Variants in SRRM2 observed in about 807,000 individuals in gnomAD.
SRRM2 encodes the protein serine/arginine repetitive matrix protein 2.
In SRRM2, 30 loss-of-function variants were observed where a neutral mutation model predicts 213.8. The observed-to-expected ratio is 0.14, with a 90% CI of 0.10 to 0.19. SRRM2 has a LOEUF of 0.19. Ranked by LOEUF, SRRM2 falls within the 10% of genes least tolerant of loss-of-function variation. SRRM2 has a pLI of 1.00. For missense variants in SRRM2, 4,904 were observed against 3,647.0 expected, an observed-to-expected ratio of 1.34 and a Z score of -8.88; for synonymous variants, 2,025 against 1,377.7, an observed-to-expected ratio of 1.47 and a Z score of -10.40.
chr16:2,761,752 T>C lies in SRRM2; in HGVS notation c.1224T>C (p.Ser408=), dbSNP rs768320002. The part of the protein sequence containing the change: ...SPTRDRSPPK[S]PEKLPQSSSS... ...CTCGGGACCGTTCACCACCTAAGTC[T>C]CCCGAGAAACTTCCCCAGTCTTCTT... The change falls in exon 11 of 15, where the codon TCT becomes TCC. Residue 408 remains serine, a synonymous_variant. Transcript: ENST00000301740. 3.1e-6 allele frequency: 5 copies of C among 1,612,320 alleles called. No homozygotes were observed. The highest frequency in any genetic ancestry group is 4.2e-6 in the Non-Finnish European group (5 of 1,179,216).
chr16:2,756,799 GTCT>G (rs2068157736), intron 2 of SRRM2, among the ~76,000 whole-genome samples, 193 bp downstream of exon 2: 3 of 152,112 alleles, frequency 2.0e-5, no homozygotes, highest in Admixed American at 6.5e-5. Context: ...AAGGCTGTGT[GTCT>G]GGGGCATAGA....
chr16:2,767,205 C>T lies in SRRM2; in HGVS notation c.6677C>T (p.Ala2226Val). The T allele has an allele frequency of 6.2e-7, 1 of 1,614,218 alleles. No individual in the cohort carries two copies. The highest frequency in any genetic ancestry group is 8.5e-7 in the Non-Finnish European group (1 of 1,180,054). ...ATGAGTCTCAGAACCGCACCAGCAGCCAACCTTGCCAGCAGGATTCCTGCA... is the reference window on the plus strand; with the variant it reads ...ATGAGTCTCAGAACCGCACCAGCAGTCAACCTTGCCAGCAGGATTCCTGCA... ...PLMSLRTAPA[A>V]NLASRIPAAS... The change falls in exon 11 of 15, where the codon GCC becomes GTC. Residue 2226 changes from alanine to valine, a missense_variant. Ala to Val is a moderately conservative substitution (Grantham distance 64). Coordinates refer to ENST00000301740, the MANE Select transcript of SRRM2 (RefSeq NM_016333.4).
In SRRM2 at chr16:2,770,610, C is replaced by T. The variant is rs960561969; in HGVS notation, c.8142C>T (p.Ser2714=). 7 of 1,552,856 alleles carry T rather than the reference C, an allele frequency of 4.5e-6. No individual in the cohort carries two copies. Among genetic ancestry groups the T allele is most frequent in the Non-Finnish European group, 6.1e-6 (7 of 1,147,936 alleles). The change falls in exon 14 of 15, where the codon AGC becomes AGT. Residue 2714 remains serine, a synonymous_variant. Coordinates refer to ENST00000301740, the MANE Select transcript of SRRM2 (RefSeq NM_016333.4). The part of the protein sequence containing the change: ...QPSPRDQQSS[S]SERGSRRGQR... ...TGTCTGTCCTGTGTTGCAGCAGCAG[C>T]AGTGAGCGGGGTTCCCGGAGAGGCC...
chr16:2,766,258 A>T lies in SRRM2; in HGVS notation c.5730A>T (p.Arg1910Ser). 2.5e-6 allele frequency: 4 copies of T among 1,614,144 alleles called. No homozygotes were observed. The highest frequency in any genetic ancestry group is 3.4e-6 in the Non-Finnish European group (4 of 1,180,040). The change falls in exon 11 of 15, where the codon AGA becomes AGT. Residue 1910 changes from arginine (R) to serine (S), a missense_variant. By Grantham distance (110) the Arg-to-Ser change is moderately radical. Transcript: ENST00000301740. This position sits in a 1 kb window ranked among gnomAD's most constrained non-coding sequence, Gnocchi z 7.0. ...SRSRTSVTRR[R>S]SRSRASPVSR... ...CCAGGACTTCAGTGACTCGACGAAGATCCCGGTCAAGAGCATCCCCAGTGA... is the reference window on the plus strand; with the variant it reads ...CCAGGACTTCAGTGACTCGACGAAGTTCCCGGTCAAGAGCATCCCCAGTGA...
At position 2,769,438 on chromosome 16, in the gene SRRM2, G is replaced by A. The variant is rs1317282985; in HGVS notation, c.8021+154G>A. 1.7e-5 allele frequency: 15 copies of A among 867,762 alleles called. No homozygotes were observed. The South Asian group carries it at 2.0e-4, about 12-fold the overall frequency. The allele number at this position is 867,762 out of a possible 1,614,324, so 53.8% of individuals were successfully genotyped here. A position where few individuals can be genotyped will look rare whatever the true frequency, so the allele number is the denominator to read the frequency against. On this transcript the variant is annotated intron_variant, in intron 12 of 14. Transcript: ENST00000301740. Reference sequence around the variant, plus strand: ...CACTTGCTCTCCTCTCCCCATGCTCGTTGCACCCTGTTCTGGCGAAGGGCT... The same window carrying A: ...CACTTGCTCTCCTCTCCCCATGCTCATTGCACCCTGTTCTGGCGAAGGGCT...
chr16:2,770,930 C>A lies in SRRM2; in HGVS notation c.*63C>A. The A allele has an allele frequency of 6.2e-7, 1 of 1,606,478 alleles. No homozygotes were observed. The highest frequency in any genetic ancestry group is 8.5e-7 in the Non-Finnish European group (1 of 1,175,420). On this transcript the variant is annotated 3_prime_UTR_variant, in exon 15 of 15. Coordinates refer to ENST00000301740, the MANE Select transcript of SRRM2 (RefSeq NM_016333.4). Reference sequence around the variant, plus strand: ...GAGCCACAAGGAGTGTCCCTTCTTCCCCAGCAGAGCCGTGGGAGGGTCCTT... The same window carrying A: ...GAGCCACAAGGAGTGTCCCTTCTTCACCAGCAGAGCCGTGGGAGGGTCCTT...
At position 2,767,437 on chromosome 16, in the gene SRRM2, A is replaced by C. The variant is rs769310798; in HGVS notation, c.6909A>C (p.Pro2303=). Residue 2303 remains proline (P), a synonymous_variant, in exon 11 of 15, where the codon CCA becomes CCC. Coordinates refer to ENST00000301740, the MANE Select transcript of SRRM2 (RefSeq NM_016333.4). The part of the protein sequence containing the change: ...PAVNLAGART[P]AALAALSLTG... ...TGAACCTAGCAGGGGCCAGAACCCC[A>C]GCTGCCTTGGCAGCTCTGAGTCTCA... 48 of 1,613,952 alleles carry C rather than the reference A, an allele frequency of 3.0e-5. No homozygotes were observed. Among genetic ancestry groups the C allele is most frequent in the Non-Finnish European group, 4.0e-5 (47 of 1,180,006 alleles).
In SRRM2 at chr16:2,767,937, C is replaced by G; in HGVS notation, c.7409C>G (p.Ala2470Gly). The G allele has an allele frequency of 3.1e-6, 5 of 1,614,196 alleles. No individual in the cohort carries two copies. The highest frequency in any genetic ancestry group is 4.2e-6 in the Non-Finnish European group (5 of 1,180,036). ...RCLIAQTTPV[A>G]GSQSLSSGAV... Reference sequence around the variant, plus strand: ...TTGATTGCCCAGACCACCCCTGTAGCAGGGTCTCAGTCCCTTTCCTCTGGG... The same window carrying G: ...TTGATTGCCCAGACCACCCCTGTAGGAGGGTCTCAGTCCCTTTCCTCTGGG... Residue 2470 changes from alanine to glycine, a missense_variant, in exon 11 of 15, where the codon GCA becomes GGA. Transcript: ENST00000301740.
chr16:2,765,590 C>T lies in SRRM2; in HGVS notation c.5062C>T (p.Arg1688Cys), dbSNP rs182679901. 52 of 1,614,178 alleles carry T rather than the reference C, an allele frequency of 3.2e-5. No individual in the cohort carries two copies. The highest frequency in any genetic ancestry group is 1.7e-4 in the Admixed American group (10 of 60,020). ...GACCAAGTCTCGTACACCACCTCGA[C>T]GTCGCAGCTCTCGATCATCTCCGGA... ...PKTKSRTPPRRRSSRSSPELT... is the reference protein window; with the variant it reads ...PKTKSRTPPRCRSSRSSPELT... Residue 1688 changes from arginine (R) to cysteine (C), a missense_variant, in exon 11 of 15, where the codon CGT becomes TGT. Transcript: ENST00000301740.
chr16:2,763,628 T>C lies in SRRM2; in HGVS notation c.3100T>C (p.Ser1034Pro), dbSNP rs764862901. ...AGTTCAAAGTTGCCCTGGATCCCTC[T>C]CTCTCTGTGCAGGAGTAAAATCTAG... is the stretch of plus-strand genomic sequence containing the variant. Reference protein sequence around the residue: ...SLVQSCPGSLSLCAGVKSSTP... With the variant: ...SLVQSCPGSLPLCAGVKSSTP... The change falls in exon 11 of 15, where the codon TCT becomes CCT. Residue 1034 changes from serine to proline, a missense_variant. Transcript: ENST00000301740. 93 of 1,614,042 alleles carry C rather than the reference T, an allele frequency of 5.8e-5. No homozygotes were observed. Among genetic ancestry groups the C allele is most frequent in the Non-Finnish European group, 4.3e-5 (51 of 1,180,046 alleles).
rs766204750 is a variant in SRRM2, at chr16:2,762,736, A to G, written c.2208A>G (p.Thr736=). The G allele has an allele frequency of 1.1e-5, 17 of 1,614,158 alleles. No individual in the cohort carries two copies. The highest frequency in any genetic ancestry group is 1.4e-5 in the Non-Finnish European group (16 of 1,180,026). Residue 736 remains threonine (T), a synonymous_variant, in exon 11 of 15, where the codon ACA becomes ACG. Transcript: ENST00000301740. ...SSSERKNKSR[T]SQRRSRSNSS... Reference sequence around the variant, plus strand: ...CAGAGCGGAAAAACAAATCCAGAACATCTCAAAGAAGAAGCAGGTCCAATT... The same window carrying G: ...CAGAGCGGAAAAACAAATCCAGAACGTCTCAAAGAAGAAGCAGGTCCAATT...
Position 2,763,017 on chromosome 16 carries a change from C to T in SRRM2, c.2489C>T (p.Pro830Leu), listed in dbSNP as rs758011120. Residue 830 changes from proline (P) to leucine (L), a missense_variant, in exon 11 of 15, where the codon CCA becomes CTA. Physicochemically the swap from Pro to Leu is moderately conservative, Grantham distance 98. Coordinates refer to ENST00000301740, the MANE Select transcript of SRRM2 (RefSeq NM_016333.4). ...CCACCTAAACAGAAATCTAAGACAC[C>T]ATCAAGACAAAGTCATTCCAGTTCA... ...SPPPKQKSKT[P>L]SRQSHSSSSP... 10 of 1,614,056 alleles carry T rather than the reference C, an allele frequency of 6.2e-6. No individual in the cohort carries two copies. The highest frequency in any genetic ancestry group is 1.6e-4 in the Middle Eastern group (1 of 6,084).
At position 2,763,545 on chromosome 16, in the gene SRRM2, G is replaced by T. The variant is rs1338155097; in HGVS notation, c.3017G>T (p.Gly1006Val). ...AAAGTAAAGGCCCAAACTCCACCGG[G>T]GCCAAGTCTTTCTGGATCAAAGTCA... ...YPKVKAQTPP[G>V]PSLSGSKSPC... The change falls in exon 11 of 15, where the codon GGG becomes GTG. Residue 1006 changes from glycine (G) to valine (V), a missense_variant. Physicochemically the swap from Gly to Val is moderately radical, Grantham distance 109. Coordinates refer to ENST00000301740, the MANE Select transcript of SRRM2 (RefSeq NM_016333.4). The T allele has an allele frequency of 1.9e-6, 3 of 1,614,048 alleles. No homozygotes were observed. Among genetic ancestry groups the T allele is most frequent in the Non-Finnish European group, 2.5e-6 (3 of 1,180,006 alleles).
chr16:2,768,826 T>G, intron 11 of SRRM2, 171 bp from the exon 12 acceptor site: 1 of 1,349,074 alleles, frequency 7.4e-7, no homozygotes, highest in Non-Finnish European at 1.0e-6. Flanking sequence ...TAGCAGAGGT[T>G]GGGTCAGCTC....
Position 2,764,950 on chromosome 16 carries a change from T to G in SRRM2, c.4422T>G (p.Ser1474=). The change falls in exon 11 of 15, where the codon TCT becomes TCG. Residue 1474 remains serine (S), a synonymous_variant. Transcript: ENST00000301740. ...TGAAAGATATACCTAGAACGCCATC[T>G]AGAGGGAGAAGCGAATGTGATTCTT... ...PGMKDIPRTP[S]RGRSECDSSP... 6.2e-7 allele frequency: 1 copy of G among 1,614,160 alleles called. No homozygotes were observed. The highest frequency in any genetic ancestry group is 8.5e-7 in the Non-Finnish European group (1 of 1,180,030).
chr16:2,761,933 C>A lies in SRRM2; in HGVS notation c.1405C>A (p.Arg469=). The A allele has an allele frequency of 6.2e-6, 10 of 1,613,990 alleles. No homozygotes were observed. The highest frequency in any genetic ancestry group is 8.5e-6 in the Non-Finnish European group (10 of 1,179,998). The part of the protein sequence containing the change: ...SKNRSHGRAK[R]DKSHSHTPSR... ...GAATCGCTCACATGGCCGAGCAAAA[C>A]GGGATAAATCACATTCTCATACCCC... Residue 469 remains arginine, a synonymous_variant, in exon 11 of 15, where the codon CGG becomes AGG. Transcript: ENST00000301740.
chr16:2,757,329 A>G, intron 2 of SRRM2, 143 bp from the exon 3 acceptor site: 1 of 638,582 alleles, frequency 1.6e-6, no homozygotes, highest in Non-Finnish European at 2.8e-6. Flanking sequence ...GGAAAAGATC[A>G]GACAGAAGGG....
In SRRM2 at chr16:2,765,971, A is replaced by C. The variant is rs756034240; in HGVS notation, c.5443A>C (p.Arg1815=). ...RSRSRVTRRR[R]GGSGYHSRSP... is the part of the protein sequence containing the mutation. Reference sequence around the variant, plus strand: ...AAGGTCGCGGGTTACTCGGCGGCGGAGGGGAGGCTCTGGTTATCACTCAAG... The same window carrying C: ...AAGGTCGCGGGTTACTCGGCGGCGGCGGGGAGGCTCTGGTTATCACTCAAG... The change falls in exon 11 of 15, where the codon AGG becomes CGG. Residue 1815 remains arginine, a synonymous_variant. Coordinates refer to ENST00000301740, the MANE Select transcript of SRRM2 (RefSeq NM_016333.4). 3 of 1,613,968 alleles carry C rather than the reference A, an allele frequency of 1.9e-6. No homozygotes were observed. In the Admixed American group the frequency reaches 5.0e-5, roughly 27 times the overall value.
rs778011048 is a variant in SRRM2, at chr16:2,763,652, A to G, written c.3124A>G (p.Ser1042Gly). 6.2e-7 allele frequency: 1 copy of G among 1,614,204 alleles called. No individual in the cohort carries two copies. The highest frequency in any genetic ancestry group is 1.1e-5 in the South Asian group (1 of 91,086). The change falls in exon 11 of 15, where the codon AGC (serine) becomes GGC (glycine). Residue 1042 changes from serine to glycine, a missense_variant. Coordinates refer to ENST00000301740, the MANE Select transcript of SRRM2 (RefSeq NM_016333.4). ...CTCTCTCTGTGCAGGAGTAAAATCT[A>G]GCACACCACCAGGCGAGAGCTATTT... Reference protein sequence around the residue: ...SLSLCAGVKSSTPPGESYFGV... With the variant: ...SLSLCAGVKSGTPPGESYFGV...
Sources: allele counts gnomAD v4.1 joint callset (sites outside exome capture counted in the v4.1 genomes callset), GRCh38; gene constraint gnomAD v4.1.1; non-coding constraint Gnocchi (gnomAD v3.1); transcripts MANE v1.5; gene names NCBI Gene and HGNC (gene_info 2026-07-23, HGNC 2026-07-21).